Variants in ELFN1 observed in about 807,000 individuals in gnomAD.
The protein encoded by ELFN1 is extracellular leucine rich repeat and fibronectin type III domain containing 1, also known as protein ELFN1.
In ELFN1, 6 loss-of-function variants were observed where a neutral mutation model predicts 7.6. That is an observed-to-expected ratio of 0.79 (90% CI 0.43 to 1.56). The LOEUF (loss-of-function observed/expected upper bound fraction) is 1.56. Among genes scored for constraint, ELFN1 ranks in the 40% most tolerant of loss-of-function variants. ELFN1 has a pLI of 0.01. For synonymous variants in ELFN1, 657 were observed against 588.1 expected (o/e 1.12, Z -1.70); for missense variants, 1,169 against 1,232.2 (o/e 0.95, Z 0.77).
chr7:1,671,650 G>A (rs1305156201), intron 1 of ELFN1, among the ~76,000 whole-genome samples: 7 of 152,262 alleles, frequency 4.6e-5, no homozygotes, highest in Admixed American at 4.6e-4. Context: ...ACCCCATTGG[G>A]TTGGGCATAG....
intron 3 of ELFN1, among the ~76,000 whole-genome samples, chr7:1,731,025 G>C (rs145343879): frequency 6.6e-6 from 1 of 152,066 alleles, no homozygotes; most frequent in Non-Finnish European, 1.5e-5. Flanking sequence ...ACAGCTAGTC[G>C]AGACACATAA....
chr7:1,732,443 G>T lies in ELFN1; in HGVS notation c.-293-11861G>T, dbSNP rs572294741. The stretch of plus-strand genomic sequence containing the variant: ...TTGCAGGGGGTAGGAGGAGAGGCAG[G>T]AGATGCTCCAGCCTGGGTGGAGATG... On this transcript the variant is annotated intron_variant, in intron 3 of 3. Transcript: ENST00000424383. Among the ~76,000 whole-genome samples, 8 of 152,298 alleles carry T rather than the reference G, an allele frequency of 5.3e-5. No homozygotes were observed. In the East Asian group the frequency reaches 1.5e-3, roughly 29 times the overall value.
At chr7:1,727,662 G>A (rs1043519360) in intron 3 of ELFN1, among the ~76,000 whole-genome samples, 3 of 152,144 alleles carry the variant, frequency 2.0e-5, no homozygotes, top group Non-Finnish European at 1.5e-5. Context: ...AGGGTGGCAT[G>A]CAATGGTGTG....
In ELFN1 at chr7:1,739,762, C is replaced by G. The variant is rs1780556078; in HGVS notation, c.-293-4542C>G. ...AGGCTGAGCAAGACAAAAATGGGCC[C>G]TGGCAGGGCAGAGGTCACCGGTGGC... On this transcript the variant is annotated intron_variant, in intron 3 of 3. Transcript: ENST00000424383. This position sits in a 1 kb window ranked among gnomAD's most constrained non-coding sequence, Gnocchi z 4.6. Among the ~76,000 whole-genome samples the G allele has an allele frequency of 6.6e-6, 1 of 152,124 alleles. No homozygotes were observed.
chr7:1,667,053 G>C (rs1778682238), upstream of ELFN1, among the ~76,000 whole-genome samples: 1 of 150,998 alleles, frequency 6.6e-6, no homozygotes, highest in Non-Finnish European at 1.5e-5. The surrounding 1 kb of genome is among the most constrained non-coding windows in gnomAD (Gnocchi z 8.2). Context: ...AGCTCTCCTG[G>C]TCCCTCTTCC....
At chr7:1,701,192 G>T (rs190762732) in intron 2 of ELFN1, among the ~76,000 whole-genome samples, 46 of 152,218 alleles carry the variant, frequency 3.0e-4, no homozygotes, top group Non-Finnish European at 7.4e-5. Flanking sequence ...GTGCGTGTGT[G>T]TGCATATTTT....
At position 1,740,687 on chromosome 7, in the gene ELFN1, C is replaced by T. The variant is rs982445843; in HGVS notation, c.-293-3617C>T. On this transcript the variant is annotated intron_variant, in intron 3 of 3. Transcript: ENST00000424383. The surrounding 1 kb of genome is among the most constrained non-coding windows in gnomAD (Gnocchi z 5.0). ...TCCTGGACCCGGGCCACCCCCCGAACCCCTCCTAGCACAGCACCTGTCCAG... is the reference window on the plus strand; with the variant it reads ...TCCTGGACCCGGGCCACCCCCCGAATCCCTCCTAGCACAGCACCTGTCCAG... Among the ~76,000 whole-genome samples the T allele has an allele frequency of 3.9e-5, 6 of 152,276 alleles. No homozygotes were observed. The highest frequency in any genetic ancestry group is 1.4e-4 in the African/African-American group (6 of 41,554).
intron 2 of ELFN1, 38 bp from the exon 3 acceptor site, chr7:1,709,053 C>T (rs553513823): frequency 2.0e-5 from 3 of 152,352 alleles, no homozygotes; most frequent in African/African-American, 7.2e-5. Flanking sequence ...GGCGATGCTC[C>T]ATCTCTCCTC....
upstream of ELFN1, among the ~76,000 whole-genome samples, chr7:1,667,735 A>G (rs913410612): frequency 1.3e-5 from 2 of 151,930 alleles, no homozygotes; most frequent in Non-Finnish European, 2.9e-5. This position sits in a 1 kb window ranked among gnomAD's most constrained non-coding sequence, Gnocchi z 8.2. Flanking sequence ...GCCGCCCTCC[A>G]GGTTCCAACC....
chr7:1,728,085 G>A (rs1163231990), intron 3 of ELFN1, among the ~76,000 whole-genome samples: 1 of 152,172 alleles, frequency 6.6e-6, no homozygotes, highest in Non-Finnish European at 1.5e-5. Flanking sequence ...TTGGATCCCA[G>A]ACCTTCCTGC....
intron 3 of ELFN1, among the ~76,000 whole-genome samples, chr7:1,712,979 T>G (rs1328747506): frequency 6.6e-6 from 1 of 152,238 alleles, no homozygotes; most frequent in South Asian, 2.1e-4. Context: ...CCCTGGGTAC[T>G]GCCCTGAGCA....
At chr7:1,728,713 C>T in intron 3 of ELFN1, among the ~76,000 whole-genome samples, 1 of 152,196 alleles carries the variant, frequency 6.6e-6, no homozygotes, top group East Asian at 1.9e-4. Flanking sequence ...TTAGTATTTT[C>T]AGTTTTCAGA....
intron 3 of ELFN1, among the ~76,000 whole-genome samples, chr7:1,725,791 GCA>G (rs1319983348): frequency 6.6e-6 from 1 of 152,012 alleles, no homozygotes; most frequent in African/African-American, 2.4e-5. Flanking sequence ...CCACACATGC[GCA>G]CACACACAGT....
intron 1 of ELFN1, among the ~76,000 whole-genome samples, chr7:1,678,120 G>A (rs1242444406): frequency 2.6e-5 from 4 of 152,196 alleles, no homozygotes; most frequent in Admixed American, 1.3e-4. Context: ...AGGGGACTCA[G>A]CTGAATGGGC....
At chr7:1,666,689 C>T (rs1372611245), upstream of ELFN1, among the ~76,000 whole-genome samples, 1 of 151,228 alleles carries the variant, frequency 6.6e-6, no homozygotes, top group Non-Finnish European at 1.5e-5. This position sits in a 1 kb window ranked among gnomAD's most constrained non-coding sequence, Gnocchi z 7.9. Flanking sequence ...GCCGCGGCGC[C>T]CCAAGTTGAA....
chr7:1,715,817 C>T (rs1473568592), intron 3 of ELFN1, among the ~76,000 whole-genome samples: 1 of 152,202 alleles, frequency 6.6e-6, no homozygotes, highest in African/African-American at 2.4e-5. Context: ...TGGGTCAGGG[C>T]TCCTGAAGGC....
At chr7:1,722,124 C>G (rs1166269344) in intron 3 of ELFN1, among the ~76,000 whole-genome samples, 1 of 152,164 alleles carries the variant, frequency 6.6e-6, no homozygotes, top group Non-Finnish European at 1.5e-5. Context: ...GGTTGTCTAG[C>G]TGGAGAAGTG....
intron 3 of ELFN1, among the ~76,000 whole-genome samples, chr7:1,723,765 A>T (rs1780097176): frequency 6.6e-6 from 1 of 152,176 alleles, no homozygotes; most frequent in Non-Finnish European, 1.5e-5. Flanking sequence ...TCAGGCATGG[A>T]GAAGTCTCTG....
rs141517434 is a variant in ELFN1, at chr7:1,693,702, G to C, written c.-456+5552G>C. ...GCCCTCTGTGTGTCTACAGACAGCT[G>C]TGTGCGCCACACTCACCCTCCCGCT... is the stretch of plus-strand genomic sequence containing the variant. On this transcript the variant is annotated intron_variant, in intron 2 of 3. Coordinates refer to ENST00000424383, the MANE Select transcript of ELFN1 (RefSeq NM_001128636.4). 1.3e-4 allele frequency: 60 copies of C among 470,908 alleles called. 1 individual carries two copies. The East Asian group carries it at 2.4e-3, about 19-fold the overall frequency. The allele number at this position is 470,908 out of a possible 1,614,324, so 29.2% of individuals were successfully genotyped here.
Sources: allele counts gnomAD v4.1 joint callset (sites outside exome capture counted in the v4.1 genomes callset), GRCh38; gene constraint gnomAD v4.1.1; non-coding constraint Gnocchi (gnomAD v3.1); transcripts MANE v1.5; gene names NCBI Gene and HGNC (gene_info 2026-07-23, HGNC 2026-07-21).